STARD3NL: variants seen among roughly 807,000 people sequenced by gnomAD.
STARD3NL encodes the protein STARD3 N-terminal like.
A neutral mutation model predicts 30.9 loss-of-function variants in STARD3NL; 17 were observed. That is an observed-to-expected ratio of 0.55 (90% confidence interval 0.38 to 0.82). STARD3NL has a LOEUF of 0.82. Ranked by LOEUF, STARD3NL falls within the 40% of genes least tolerant of loss-of-function variation. The pLI is 0.00. For synonymous variants in STARD3NL, 112 were observed against 100.5 expected (o/e 1.11, Z -0.69); for missense variants, 234 against 277.6 (o/e 0.84, Z 1.12).
intron 1 of STARD3NL, among the ~76,000 whole-genome samples, chr7:38,192,044 T>C (rs182030169): frequency 6.6e-6 from 1 of 152,354 alleles, no homozygotes; most frequent in Admixed American, 6.5e-5. Context: ...TATTTTCAAC[T>C]ACTTCCATTT....
intron 2 of STARD3NL, among the ~76,000 whole-genome samples, chr7:38,208,949 T>C (rs1424151545): frequency 1.3e-5 from 2 of 152,220 alleles, no homozygotes; most frequent in African/African-American, 2.4e-5. Flanking sequence ...TTTAATTTCA[T>C]CATGAATCCT....
intron 1 of STARD3NL, among the ~76,000 whole-genome samples, chr7:38,198,777 CCTGCTCCATAGCAGCTG>C (rs1038589048): frequency 6.6e-6 from 1 of 152,106 alleles, no homozygotes; most frequent in Non-Finnish European, 1.5e-5. Flanking sequence ...AGTGGTAGCT[CCTGCTCCATAGCAGCTG>C]CTGTCCACCA....
At chr7:38,202,447 TA>T (rs1461369651) in intron 1 of STARD3NL, among the ~76,000 whole-genome samples, 1 of 152,196 alleles carries the variant, frequency 6.6e-6, no homozygotes, top group African/African-American at 2.4e-5. Flanking sequence ...CCTCTCATTG[TA>T]AACATATAAC....
intron 1 of STARD3NL, among the ~76,000 whole-genome samples, chr7:38,180,452 G>A (rs1387526126): frequency 6.6e-6 from 1 of 152,180 alleles, no homozygotes; most frequent in African/African-American, 2.4e-5. Flanking sequence ...AAGCTGCATT[G>A]GCAAGTGGAT....
At chr7:38,186,623 T>G (rs185553157) in intron 1 of STARD3NL, among the ~76,000 whole-genome samples, 2 of 152,234 alleles carry the variant, frequency 1.3e-5, no homozygotes, top group Non-Finnish European at 2.9e-5. Context: ...TGTTTCTGTT[T>G]AGATATGCAA....
In STARD3NL at chr7:38,228,738, AAT is replaced by A. The variant is rs569714511; in HGVS notation, c.650-59_650-58del. ...TATAATTTTAAACCTATTTATTTAA[AAT>A]AGTTTGTTACTGTAATGGAATGAAA... is the stretch of plus-strand genomic sequence containing the variant. On this transcript the variant is annotated intron_variant, in intron 7 of 8. Transcript: ENST00000009041. 2.3e-5 allele frequency: 32 copies of A among 1,404,046 alleles called. No homozygotes were observed. In the African/African-American group the frequency reaches 4.6e-4, roughly 20 times the overall value. The allele number at this position is 1,404,046 out of a possible 1,614,324, so 87.0% of individuals were successfully genotyped here.
Position 38,192,057 on chromosome 7 carries a change from C to G in STARD3NL, c.-59+13637C>G, listed in dbSNP as rs1583780919. 2.0e-5 allele frequency among the ~76,000 whole-genome samples: 3 copies of G among 152,172 alleles called. No individual in the cohort carries two copies. The South Asian group carries it at 6.2e-4, about 32-fold the overall frequency. ...TTTATTTTCAACTACTTCCATTTCT[C>G]TCAGCAGTATTATGTAGCTTTCAGT... On this transcript the variant is annotated intron_variant, in intron 1 of 8. Transcript: ENST00000009041.
At chr7:38,206,998 T>C (rs1785523164) in intron 1 of STARD3NL, among the ~76,000 whole-genome samples, 2 of 152,186 alleles carry the variant, frequency 1.3e-5, no homozygotes, top group African/African-American at 4.8e-5. Context: ...GGAAATAAGC[T>C]TTTTTATAGC....
At chr7:38,205,528 C>G (rs193143983) in intron 1 of STARD3NL, among the ~76,000 whole-genome samples, 48 of 152,070 alleles carry the variant, frequency 3.2e-4, no homozygotes, top group African/African-American at 1.2e-3. Context: ...GTGGCTATAC[C>G]ATGATTTATC....
chr7:38,196,589 C>T (rs1345071580), intron 1 of STARD3NL, among the ~76,000 whole-genome samples: 1 of 152,096 alleles, frequency 6.6e-6, no homozygotes, highest in Non-Finnish European at 1.5e-5. Flanking sequence ...CTCGTTTTCA[C>T]TTGGCACGTT....
chr7:38,201,636 A>C (rs1785178495), intron 1 of STARD3NL: 1 of 152,124 alleles, frequency 6.6e-6, no homozygotes, highest in South Asian at 2.1e-4. Flanking sequence ...TTCATAATGT[A>C]GGATATATTG....
chr7:38,181,812 G>C lies in STARD3NL; in HGVS notation c.-59+3392G>C, dbSNP rs187134317. ...CATCATGATTTGACCACCATCTTCT[G>C]CCATGAGCCTAGTGCCCCAAATTGG... is the stretch of plus-strand genomic sequence containing the variant. On this transcript the variant is annotated intron_variant, in intron 1 of 8. Transcript: ENST00000009041. 5.0e-4 allele frequency among the ~76,000 whole-genome samples: 76 copies of C among 152,154 alleles called. 1 individual carries two copies. The highest frequency in any genetic ancestry group is 5.0e-3 in the Admixed American group (76 of 15,294).
In STARD3NL at chr7:38,228,798, G is replaced by A; in HGVS notation, c.650-1G>A. 3.7e-6 allele frequency: 6 copies of A among 1,611,898 alleles called. No individual in the cohort carries two copies. The highest frequency in any genetic ancestry group is 5.1e-6 in the Non-Finnish European group (6 of 1,178,664). ...TCTTTGTCCCCTTCTCCACCACGTAGGATCTGAAGAAGCTGAAGAAAAACA... is the reference window on the plus strand; with the variant it reads ...TCTTTGTCCCCTTCTCCACCACGTAAGATCTGAAGAAGCTGAAGAAAAACA... On this transcript the variant is annotated splice_acceptor_variant, in intron 7 of 8. Coordinates refer to ENST00000009041, the MANE Select transcript of STARD3NL (RefSeq NM_032016.4). LOFTEE classifies it high-confidence loss of function.
At chr7:38,191,923 A>G (rs1784702877) in intron 1 of STARD3NL, among the ~76,000 whole-genome samples, 1 of 151,060 alleles carries the variant, frequency 6.6e-6, no homozygotes, top group Non-Finnish European at 1.5e-5. Context: ...AAAAAAAAGC[A>G]TGGTGGGATT....
chr7:38,207,370 T>C (rs552237110), intron 1 of STARD3NL, 77 bp from the exon 2 acceptor site: 3 of 657,862 alleles, frequency 4.6e-6, no homozygotes, highest in Middle Eastern at 4.2e-4. Context: ...GAGAAATAGT[T>C]GCACAGTGGA....
At chr7:38,214,584 G>A in intron 3 of STARD3NL, 150 bp downstream of exon 3, 3 of 548,260 alleles carry the variant, frequency 5.5e-6, no homozygotes, top group East Asian at 3.1e-5. Context: ...CCCATTCAAT[G>A]TTCTCTCTCT....
At chr7:38,220,538 G>T (rs544771788) in intron 7 of STARD3NL, among the ~76,000 whole-genome samples, 1 of 152,334 alleles carries the variant, frequency 6.6e-6, no homozygotes, top group East Asian at 1.9e-4. Flanking sequence ...TGCATTACGG[G>T]TGAGAATGTA....
At chr7:38,209,532 C>T (rs1214154887) in intron 2 of STARD3NL, among the ~76,000 whole-genome samples, 1 of 152,152 alleles carries the variant, frequency 6.6e-6, no homozygotes, top group African/African-American at 2.4e-5. Context: ...GATCTGCCTG[C>T]CTTGCCCTCC....
intron 7 of STARD3NL, among the ~76,000 whole-genome samples, chr7:38,225,755 C>T (rs1260791428): frequency 2.6e-5 from 4 of 151,928 alleles, no homozygotes; most frequent in African/African-American, 9.7e-5. Flanking sequence ...CCATTTAAAG[C>T]CATAAATTTT....
Sources: allele counts gnomAD v4.1 joint callset (sites outside exome capture counted in the v4.1 genomes callset), GRCh38; gene constraint gnomAD v4.1.1; transcripts MANE v1.5; gene names NCBI Gene and HGNC (gene_info 2026-07-23, HGNC 2026-07-21).